Variants in EFNA5 observed in about 807,000 individuals in gnomAD.
The protein encoded by EFNA5 is ephrin-A5.
EFNA5 carries 5 observed loss-of-function variants against 22.9 expected under a neutral mutation model. The ratio of observed to expected loss-of-function variants is 0.22; its 90% CI spans 0.11 to 0.46. The LOEUF is 0.46. EFNA5 is among the 20% of genes least tolerant of loss of function. The pLI, the probability that EFNA5 is intolerant of heterozygous loss-of-function variation, is 0.99. For missense variants in EFNA5, 237 were observed against 293.3 expected (o/e 0.81, Z 1.40); for synonymous variants, 113 against 112.2 (o/e 1.01, Z -0.04).
At chr5:107,445,531 C>A (rs152596) in intron 1 of EFNA5, among the ~76,000 whole-genome samples, 1 of 151,932 alleles carries the variant, frequency 6.6e-6, no homozygotes, top group Non-Finnish European at 1.5e-5. Flanking sequence ...GCCTCAGAGA[C>A]TTGACAATGG....
intron 2 of EFNA5, among the ~76,000 whole-genome samples, chr5:107,387,983 A>C (rs1399305359): frequency 6.6e-6 from 1 of 152,202 alleles, no homozygotes; most frequent in African/African-American, 2.4e-5. Flanking sequence ...TTCTCTTTTC[A>C]ATACAATAAA....
intron 1 of EFNA5, among the ~76,000 whole-genome samples, chr5:107,631,376 A>G (rs865945909): frequency 6.0e-5 from 9 of 149,844 alleles, no homozygotes; most frequent in Middle Eastern, 6.9e-3. Context: ...ATACACATGT[A>G]CATATATATA....
chr5:107,525,168 T>C (rs1322115561), intron 1 of EFNA5, among the ~76,000 whole-genome samples: 2 of 152,186 alleles, frequency 1.3e-5, no homozygotes, highest in Non-Finnish European at 2.9e-5. Context: ...AAGACAATTA[T>C]ATTACAACTT....
intron 1 of EFNA5, among the ~76,000 whole-genome samples, chr5:107,528,771 T>C (rs460750): frequency 0.045 from 6,913 of 152,260 alleles, 534 homozygotes; most frequent in African/African-American, 0.16. Context: ...AATTATATAA[T>C]AAGCACTGAT....
chr5:107,543,252 G>A (rs930087688), intron 1 of EFNA5, among the ~76,000 whole-genome samples: 1 of 151,856 alleles, frequency 6.6e-6, no homozygotes, highest in African/African-American at 2.4e-5. Flanking sequence ...AAAGTAGAAG[G>A]GAAAAAAAGC....
At chr5:107,538,423 C>T (rs918415265) in intron 1 of EFNA5, among the ~76,000 whole-genome samples, 1 of 152,204 alleles carries the variant, frequency 6.6e-6, no homozygotes, top group Non-Finnish European at 1.5e-5. Flanking sequence ...TTGAATCTCA[C>T]TGGGCACAGA....
intron 1 of EFNA5, among the ~76,000 whole-genome samples, chr5:107,616,173 C>T (rs190534860): frequency 5.3e-5 from 8 of 152,152 alleles, no homozygotes; most frequent in East Asian, 1.9e-4. Context: ...AGAATGAAAG[C>T]GAATTATAAG....
intron 2 of EFNA5, among the ~76,000 whole-genome samples, chr5:107,419,578 CTGA>C (rs1434702163): frequency 6.6e-6 from 1 of 152,154 alleles, no homozygotes; most frequent in Non-Finnish European, 1.5e-5. Context: ...TACTTACTAT[CTGA>C]TTTTTGTGCC....
chr5:107,567,285 T>G (rs1031221787), intron 1 of EFNA5, among the ~76,000 whole-genome samples: 1 of 152,118 alleles, frequency 6.6e-6, no homozygotes, highest in Non-Finnish European at 1.5e-5. Flanking sequence ...ATCTTTAAAA[T>G]GCAGGGGGAA....
rs1457053602 is a variant in EFNA5 at position 107,659,339 on chromosome 5, C to T, written c.125+11150G>A. Among the ~76,000 whole-genome samples the T allele has an allele frequency of 2.6e-5, 4 of 151,968 alleles. No homozygotes were observed. In the East Asian group the frequency reaches 5.8e-4, roughly 22 times the overall value. ...AGTAATGGAAAACATTATATAGGACCAAGTTCTGATTCTATGTGGTACCAG... is the reference window on the plus strand; with the variant it reads ...AGTAATGGAAAACATTATATAGGACTAAGTTCTGATTCTATGTGGTACCAG... On this transcript the variant is annotated intron_variant, in intron 1 of 4. Transcript: ENST00000333274.
At chr5:107,572,420 G>C (rs1308167154) in intron 1 of EFNA5, among the ~76,000 whole-genome samples, 1 of 152,178 alleles carries the variant, frequency 6.6e-6, no homozygotes, top group Non-Finnish European at 1.5e-5. Context: ...AAGCTGAAAA[G>C]AATGAATACA....
chr5:107,659,914 AT>A (rs898687087), intron 1 of EFNA5, among the ~76,000 whole-genome samples: 15 of 151,618 alleles, frequency 9.9e-5, no homozygotes, highest in Middle Eastern at 3.4e-3. Context: ...TCCTTTCTAC[AT>A]TTTTTTTCCT....
rs534424194 is a variant in EFNA5, at chr5:107,526,717, T to G, written c.126-99208A>C. ...ACTAAATCAGTAGAGCAGCAAGTTA[T>G]CCCTAGGAGATCAGAAGGAGAGCAA... On this transcript the variant is annotated intron_variant, in intron 1 of 4. Transcript: ENST00000333274. Among the ~76,000 whole-genome samples, 8 of 152,252 alleles carry G rather than the reference T, an allele frequency of 5.3e-5. No homozygotes were observed. In the South Asian group the frequency reaches 1.7e-3, roughly 32 times the overall value.
chr5:107,667,588 T>G (rs2112565196), intron 1 of EFNA5, among the ~76,000 whole-genome samples: 1 of 152,298 alleles, frequency 6.6e-6, no homozygotes, highest in South Asian at 2.1e-4. Flanking sequence ...TTGAATCTGT[T>G]AGTATAAGCT....
intron 1 of EFNA5, among the ~76,000 whole-genome samples, chr5:107,571,870 T>C (rs887638165): frequency 6.6e-6 from 1 of 152,128 alleles, no homozygotes; most frequent in Non-Finnish European, 1.5e-5. Context: ...CTTGGTCCTG[T>C]TCCCTGCAGG....
intron 1 of EFNA5, among the ~76,000 whole-genome samples, chr5:107,548,043 A>G (rs1486776492): frequency 6.6e-6 from 1 of 152,238 alleles, no homozygotes; most frequent in African/African-American, 2.4e-5. Flanking sequence ...TGTGAAGAAT[A>G]AACTACCTTT....
Position 107,406,038 on chromosome 5 carries a change from T to C in EFNA5, c.419-18267A>G, listed in dbSNP as rs1279917948. 5.0e-4 allele frequency among the ~76,000 whole-genome samples: 46 copies of C among 91,506 alleles called. 4 individuals are homozygous for C. Among genetic ancestry groups the C allele is most frequent in the African/African-American group, 1.6e-3 (42 of 26,378 alleles). The allele number at this position is 91,506 out of a possible 152,430, so 60.0% of individuals were successfully genotyped here. A position where few individuals can be genotyped will look rare whatever the true frequency, so the allele number is the denominator to read the frequency against. On this transcript the variant is annotated intron_variant, in intron 2 of 4. Transcript: ENST00000333274. ...TACATAGAATGTATAAAAATACCTA[T>C]ATTTGTATACATATTCTATGTATTT...
At chr5:107,648,463 CA>C (rs1750669426) in intron 1 of EFNA5, among the ~76,000 whole-genome samples, 1 of 152,084 alleles carries the variant, frequency 6.6e-6, no homozygotes, top group Non-Finnish European at 1.5e-5. Flanking sequence ...AAATGAAAAC[CA>C]AATAGTTTCA....
intron 1 of EFNA5, among the ~76,000 whole-genome samples, chr5:107,488,845 C>A (rs868868571): frequency 6.6e-6 from 1 of 152,062 alleles, no homozygotes; most frequent in African/African-American, 2.4e-5. Context: ...GCGAGTGCCA[C>A]GACGCCTGGC....
Sources: gnomAD v4.1 joint callset for allele counts (sites outside exome capture counted in the v4.1 genomes callset) on GRCh38, gnomAD v4.1.1 for gene constraint, MANE v1.5 for transcripts, NCBI Gene and HGNC (gene_info 2026-07-23, HGNC 2026-07-21) for gene names.